SENP5: variants seen among roughly 807,000 people sequenced by gnomAD.
SENP5 encodes SUMO specific peptidase 5, also known as sentrin-specific protease 5.
Under a neutral mutation model 74.2 loss-of-function variants are expected in SENP5, and 21 were observed. The observed-to-expected ratio is 0.28, with a 90% confidence interval of 0.20 to 0.41. The LOEUF is 0.41. Ranked by LOEUF, SENP5 falls within the 10% of genes least tolerant of loss-of-function variation. The probability of loss-of-function intolerance (pLI) is 1.00; values close to 1 mark genes in which losing one functional copy is unlikely to be tolerated. For missense variants in SENP5, 717 were observed against 889.1 expected (o/e 0.81, Z 2.46); for synonymous variants, 311 against 312.7 (o/e 0.99, Z 0.06).
rs773827773 is a variant in SENP5 at position 196,885,205 on chromosome 3, A to G, written c.24A>G (p.Leu8=). 224 of 1,611,246 alleles carry G rather than the reference A, an allele frequency of 1.4e-4. 1 individual carries two copies. The highest frequency in any genetic ancestry group is 3.6e-4 in the East Asian group (16 of 44,854). MKKQRKI[L]WRKGIHLAFS... ...AAATGAAAAAACAGAGGAAAATTCTATGGAGGAAAGGAATCCACTTAGCCT... is the reference window on the plus strand; with the variant it reads ...AAATGAAAAAACAGAGGAAAATTCTGTGGAGGAAAGGAATCCACTTAGCCT... Residue 8 remains leucine, a synonymous_variant, in exon 2 of 10, where the codon CTA becomes CTG. Transcript: ENST00000323460.
chr3:196,887,856 C>A (rs1714040687), intron 2 of SENP5, among the ~76,000 whole-genome samples: 1 of 152,114 alleles, frequency 6.6e-6, no homozygotes, highest in South Asian at 2.1e-4. Context: ...GCAACCTCTG[C>A]TTCCCGGTTC....
chr3:196,925,454 C>G lies in SENP5; in HGVS notation c.2022+1903C>G, dbSNP rs563881452. Among the ~76,000 whole-genome samples the G allele has an allele frequency of 1.1e-4, 16 of 152,316 alleles. 1 individual carries two copies. The South Asian group carries it at 1.2e-3, about 12-fold the overall frequency. Reference sequence around the variant, plus strand: ...CTGCCAGAGCCTGTCTATATTGTCTCTTTCCTAGACAGACCTGCAAAGGTA... The same window carrying G: ...CTGCCAGAGCCTGTCTATATTGTCTGTTTCCTAGACAGACCTGCAAAGGTA... On this transcript the variant is annotated intron_variant, in intron 7 of 9. Coordinates refer to ENST00000323460, the MANE Select transcript of SENP5 (RefSeq NM_152699.5).
rs1560164709 is a variant in SENP5 at position 196,931,827 on chromosome 3, A to C, written c.*904A>C. On this transcript the variant is annotated 3_prime_UTR_variant, in exon 10 of 10. Coordinates refer to ENST00000323460, the MANE Select transcript of SENP5 (RefSeq NM_152699.5). ...GTTGCCTCCCAATTGGAAGAAGTTA[A>C]GGTTTACCAAATGCATTTCTATTTC... 3 of 400,918 alleles carry C rather than the reference A, an allele frequency of 7.5e-6. No individual in the cohort carries two copies. Among genetic ancestry groups the C allele is most frequent in the Non-Finnish European group, 1.5e-5 (3 of 202,970 alleles). The allele number at this position is 400,918 out of a possible 1,614,324, so 24.8% of individuals were successfully genotyped here. A position where few individuals can be genotyped will look rare whatever the true frequency, so the allele number is the denominator to read the frequency against.
At chr3:196,926,450 C>G (rs1300123809) in intron 7 of SENP5, among the ~76,000 whole-genome samples, 1 of 147,836 alleles carries the variant, frequency 6.8e-6, no homozygotes, top group African/African-American at 2.5e-5. Context: ...CCACTACACT[C>G]TAGCCTGGGT....
At chr3:196,923,673 C>T (rs2108863337) in intron 7 of SENP5, 122 bp downstream of exon 7, 1 of 634,630 alleles carries the variant, frequency 1.6e-6, no homozygotes, top group Non-Finnish European at 2.6e-6. Context: ...GAAAATCCTC[C>T]AAAGTGTTAG....
In SENP5 at chr3:196,885,645, A is replaced by C; in HGVS notation, c.464A>C (p.His155Pro). 6.2e-7 allele frequency: 1 copy of C among 1,614,226 alleles called. No homozygotes were observed. Residue 155 changes from histidine to proline, a missense_variant, in exon 2 of 10, where the codon CAC becomes CCC. By Grantham distance (77) the His-to-Pro change is moderately conservative. Around this residue, in one of 4 missense-constraint regions of SENP5, gnomAD observed 567 missense variants for 577.4 expected, o/e 0.98. Coordinates refer to ENST00000323460, the MANE Select transcript of SENP5 (RefSeq NM_152699.5). ...SNSALGQANG[H>P]RPRTDPQPSD... ...AGTGCTTTAGGTCAGGCCAATGGTC[A>C]CAGACCTAGGACAGACCCACAACCT...
intron 1 of SENP5, among the ~76,000 whole-genome samples, chr3:196,877,089 G>A (rs1018402280): frequency 6.6e-6 from 1 of 152,080 alleles, no homozygotes; most frequent in South Asian, 2.1e-4. Context: ...GGAGGTTGAG[G>A]TGGGAAGATC....
intron 6 of SENP5, among the ~76,000 whole-genome samples, chr3:196,914,880 C>T (rs1377653440): frequency 6.6e-6 from 1 of 152,058 alleles, no homozygotes; most frequent in Non-Finnish European, 1.5e-5. Context: ...TACACCACCC[C>T]TTCCCTATCC....
At chr3:196,917,882 G>A (rs1188289564) in intron 6 of SENP5, among the ~76,000 whole-genome samples, 1 of 152,136 alleles carries the variant, frequency 6.6e-6, no homozygotes, top group East Asian at 1.9e-4. Flanking sequence ...AAACTCACTG[G>A]TATCAGTAAG....
chr3:196,893,025 A>G (rs761282299), intron 2 of SENP5, among the ~76,000 whole-genome samples: 2 of 152,086 alleles, frequency 1.3e-5, no homozygotes, highest in Non-Finnish European at 2.9e-5. Flanking sequence ...TCTTCAACAC[A>G]CTGATTTTAT....
At position 196,885,535 on chromosome 3, in the gene SENP5, G is replaced by A; in HGVS notation, c.354G>A (p.Lys118=). 1 of 1,614,126 alleles carries A rather than the reference G, an allele frequency of 6.2e-7. No individual in the cohort carries two copies. Residue 118 remains lysine, a synonymous_variant, in exon 2 of 10, where the codon AAG becomes AAA. Transcript: ENST00000323460. ...CTCTCCTGAGACTCCAAGCAGAGAA[G>A]CTGTTGTCATCAGCAAAGAATTCTG... is the stretch of plus-strand genomic sequence containing the variant. The part of the protein sequence containing the change: ...SKTLLRLQAE[K]LLSSAKNSDH...
In SENP5 at chr3:196,895,509, A is replaced by G. The variant is rs538497936; in HGVS notation, c.1514-4157A>G. The stretch of plus-strand genomic sequence containing the variant: ...CCTTACTTTAACTTCTTTTTTTTAA[A>G]AAGTTCTTTTTTATTTTTTCAGTTA... On this transcript the variant is annotated intron_variant, in intron 2 of 9. Coordinates refer to ENST00000323460, the MANE Select transcript of SENP5 (RefSeq NM_152699.5). Among the ~76,000 whole-genome samples the G allele has an allele frequency of 6.6e-5, 10 of 151,992 alleles. No individual in the cohort carries two copies. The East Asian group carries it at 1.9e-3, about 29-fold the overall frequency.
chr3:196,874,667 G>C (rs545295892), intron 1 of SENP5, among the ~76,000 whole-genome samples: 1 of 152,226 alleles, frequency 6.6e-6, no homozygotes, highest in East Asian at 1.9e-4. Flanking sequence ...GATCACCTGA[G>C]GTCAGAGGTC....
intron 6 of SENP5, among the ~76,000 whole-genome samples, chr3:196,920,119 G>C (rs1355004435): frequency 6.6e-6 from 1 of 152,170 alleles, no homozygotes; most frequent in African/African-American, 2.4e-5. Flanking sequence ...AAGCATGCTG[G>C]AATGATTGGG....
intron 1 of SENP5, among the ~76,000 whole-genome samples, chr3:196,882,013 C>T (rs1310317259): frequency 1.3e-5 from 2 of 150,906 alleles, no homozygotes; most frequent in African/African-American, 4.9e-5. Flanking sequence ...TCTCGTGTCT[C>T]AGCCTCCCGA....
intron 6 of SENP5, among the ~76,000 whole-genome samples, chr3:196,909,010 C>T (rs571399608): frequency 6.6e-6 from 1 of 151,760 alleles, no homozygotes; most frequent in South Asian, 2.1e-4. Context: ...CAAAAAATAC[C>T]TCTAGCTAAA....
intron 6 of SENP5, among the ~76,000 whole-genome samples, chr3:196,909,534 C>G (rs1715038121): frequency 6.6e-6 from 1 of 152,204 alleles, no homozygotes; most frequent in African/African-American, 2.4e-5. Context: ...CAAACCAAAT[C>G]CAGCAGCACA....
At chr3:196,874,024 A>G (rs1213946580) in intron 1 of SENP5, among the ~76,000 whole-genome samples, 1 of 151,164 alleles carries the variant, frequency 6.6e-6, no homozygotes, top group African/African-American at 2.4e-5. Context: ...TTAAAAAATT[A>G]ATTTATTGGC....
Position 196,885,290 on chromosome 3 carries a change from T to G in SENP5, c.109T>G (p.Leu37Val). ...GFKKFYFHQHLCILKAKLGRP... is the reference protein window; with the variant it reads ...GFKKFYFHQHVCILKAKLGRP... ...TAAGAAGTTTTATTTTCACCAACAC[T>G]TGTGCATTCTGAAAGCTAAGCTGGG... Residue 37 changes from leucine to valine, a missense_variant, in exon 2 of 10, where the codon TTG (leucine) becomes GTG (valine). Leu to Val is a conservative substitution (Grantham distance 32). Around this residue, in one of 4 missense-constraint regions of SENP5, gnomAD observed 567 missense variants for 577.4 expected, o/e 0.98. Coordinates refer to ENST00000323460, the MANE Select transcript of SENP5 (RefSeq NM_152699.5). 6.2e-7 allele frequency: 1 copy of G among 1,614,144 alleles called. No homozygotes were observed. The highest frequency in any genetic ancestry group is 8.5e-7 in the Non-Finnish European group (1 of 1,180,016).
Sources: allele counts gnomAD v4.1 joint callset (sites outside exome capture counted in the v4.1 genomes callset), GRCh38; gene constraint gnomAD v4.1.1; regional missense constraint gnomAD v4.1.1; transcripts MANE v1.5; gene names NCBI Gene and HGNC (gene_info 2026-07-23, HGNC 2026-07-21).